Variants in SPTBN1 observed in about 807,000 individuals in gnomAD.
SPTBN1 encodes the protein spectrin beta, non-erythrocytic 1.
Under a neutral mutation model 266.4 loss-of-function variants are expected in SPTBN1, and 32 were observed. That is an observed-to-expected ratio of 0.12 (90% confidence interval 0.09 to 0.16). SPTBN1 has a LOEUF of 0.16. SPTBN1 is among the 10% of genes least tolerant of loss of function. The probability of loss-of-function intolerance (pLI) is 1.00; values close to 1 mark genes in which losing one functional copy is unlikely to be tolerated. For missense variants in SPTBN1, 2,296 were observed against 3,067.1 expected, an observed-to-expected ratio of 0.75 and a Z score of 5.94; for synonymous variants, 1,336 against 1,162.2, an observed-to-expected ratio of 1.15 and a Z score of -3.04.
chr2:54,490,176 A>G (rs1232920687), intron 1 of SPTBN1, among the ~76,000 whole-genome samples: 3 of 150,822 alleles, frequency 2.0e-5, no homozygotes, highest in African/African-American at 4.9e-5. Flanking sequence ...GGTTCAAGCG[A>G]TTCTCTTCTT....
At chr2:54,498,711 A>G (rs1362202627) in intron 1 of SPTBN1, among the ~76,000 whole-genome samples, 1 of 152,162 alleles carries the variant, frequency 6.6e-6, no homozygotes, top group Non-Finnish European at 1.5e-5. Context: ...CCATGCATCC[A>G]TTGTCAATGC....
chr2:54,461,689 T>A (rs895355390), intron 1 of SPTBN1, among the ~76,000 whole-genome samples: 2 of 152,278 alleles, frequency 1.3e-5, no homozygotes, highest in Admixed American at 1.3e-4. Context: ...TTATTGAGTT[T>A]GAATGTCTGT....
intron 1 of SPTBN1, among the ~76,000 whole-genome samples, chr2:54,504,078 G>C (rs1669423942): frequency 6.6e-6 from 1 of 152,160 alleles, no homozygotes; most frequent in Admixed American, 6.5e-5. Context: ...TAAGTGCACT[G>C]GGTGGGACTG....
In SPTBN1 at chr2:54,653,490, T is replaced by C. The variant is rs75026968; in HGVS notation, c.5578-119T>C. 7.5e-3 allele frequency: 11,153 copies of C among 1,480,270 alleles called. 737 individuals are homozygous for C. In the African/African-American group the frequency reaches 0.14, roughly 18 times the overall value. 91.7% of individuals were successfully genotyped at this position (1,480,270 alleles called of 1,614,324 possible). On this transcript the variant is annotated intron_variant, in intron 26 of 35. Coordinates refer to ENST00000356805, the MANE Select transcript of SPTBN1 (RefSeq NM_003128.3). This position sits in a 1 kb window ranked among gnomAD's most constrained non-coding sequence, Gnocchi z 5.1. ...GAAATTGAGGGCTCCTTAAGGGGCA[T>C]GGGCCATATTTTGACTCTGTGCTCC...
At chr2:54,622,629 C>T in intron 9 of SPTBN1, 142 bp downstream of exon 9, 1 of 955,166 alleles carries the variant, frequency 1.0e-6, no homozygotes, top group South Asian at 1.8e-5. Context: ...TCATCTGACT[C>T]TGTTTTGCTG....
Position 54,649,075 on chromosome 2 carries a change from A to G in SPTBN1, c.5087A>G (p.Glu1696Gly). The change falls in exon 25 of 36, where the codon GAG (glutamate) becomes GGG (glycine). Residue 1696 changes from glutamate to glycine, a missense_variant. Physicochemically the swap from Glu to Gly is moderately conservative, Grantham distance 98. Transcript: ENST00000356805. The surrounding 1 kb of genome is among the most constrained non-coding windows in gnomAD (Gnocchi z 6.7). ...GAAGAGAGAAGAGGCAAGCTGGATG[A>G]GAGACACAGGTTATTCCAGCTCAAC... ...LAEERRGKLD[E>G]RHRLFQLNRE... 6.2e-7 allele frequency: 1 copy of G among 1,614,244 alleles called. No individual in the cohort carries two copies. The highest frequency in any genetic ancestry group is 2.2e-5 in the East Asian group (1 of 44,886).
At chr2:54,607,628 T>A (rs1178254503) in intron 3 of SPTBN1, among the ~76,000 whole-genome samples, 1 of 152,024 alleles carries the variant, frequency 6.6e-6, no homozygotes, top group African/African-American at 2.4e-5. Flanking sequence ...AAAAAAAAAT[T>A]AATAAATTAA....
At chr2:54,650,520 A>G (rs1415817507) in intron 26 of SPTBN1, among the ~76,000 whole-genome samples, 3 of 152,190 alleles carry the variant, frequency 2.0e-5, no homozygotes, top group African/African-American at 7.2e-5. Flanking sequence ...ATCTCTGCAC[A>G]GTTTCTTGTT....
intron 18 of SPTBN1, among the ~76,000 whole-genome samples, chr2:54,640,854 T>C (rs1679486954): frequency 6.6e-6 from 1 of 152,194 alleles, no homozygotes; most frequent in African/African-American, 2.4e-5. Flanking sequence ...GCCTGGCCGG[T>C]AGTGTTATTT....
rs72536019 is a variant in SPTBN1 at position 54,592,370 on chromosome 2, C to CT, written c.149-6712dup. On this transcript the variant is annotated intron_variant, in intron 2 of 35. Coordinates refer to ENST00000356805, the MANE Select transcript of SPTBN1 (RefSeq NM_003128.3). Reference sequence around the variant, plus strand: ...GTTTCTCAGTTCTAAATATTTCATACTTTTTTTTTTCTTTTTTCTTTTTTT... The same window carrying CT: ...GTTTCTCAGTTCTAAATATTTCATACTTTTTTTTTTTCTTTTTTCTTTTTTT... 2.3e-3 allele frequency among the ~76,000 whole-genome samples: 324 copies of CT among 138,182 alleles called. 6 individuals are homozygous for CT. In the South Asian group the frequency reaches 0.04, roughly 17 times the overall value. The allele number at this position is 138,182 out of a possible 152,430, so 90.7% of individuals were successfully genotyped here.
chr2:54,666,231 T>C (rs993970277), intron 34 of SPTBN1, 143 bp downstream of exon 34: 1 of 911,270 alleles, frequency 1.1e-6, no homozygotes, highest in Non-Finnish European at 1.6e-6. Context: ...AAAACCAGTT[T>C]GGCACGTGTC....
intron 1 of SPTBN1, among the ~76,000 whole-genome samples, chr2:54,490,950 T>A (rs1486662425): frequency 1.3e-5 from 2 of 152,176 alleles, no homozygotes; most frequent in Non-Finnish European, 2.9e-5. Flanking sequence ...AACTCTTGCA[T>A]GCCTTGAGAG....
At chr2:54,469,486 T>C (rs1382098681) in intron 1 of SPTBN1, among the ~76,000 whole-genome samples, 2 of 152,214 alleles carry the variant, frequency 1.3e-5, no homozygotes, top group African/African-American at 4.8e-5. Context: ...CTGAAACTCC[T>C]AACCTGATGG....
chr2:54,646,533 C>T lies in SPTBN1; in HGVS notation c.4866+58C>T, dbSNP rs1202285282. ...GAGAGCCTCAGATTCAAACCCTGGG[C>T]ACACTTTCTGCTGGCGGCTCTGTCT... On this transcript the variant is annotated intron_variant, in intron 23 of 35. Transcript: ENST00000356805. The surrounding 1 kb of genome is among the most constrained non-coding windows in gnomAD (Gnocchi z 4.4). 3 of 1,432,870 alleles carry T rather than the reference C, an allele frequency of 2.1e-6. No homozygotes were observed. Among genetic ancestry groups the T allele is most frequent in the East Asian group, 2.5e-5 (1 of 40,018 alleles). The allele number at this position is 1,432,870 out of a possible 1,614,324, so 88.8% of individuals were successfully genotyped here. A position where few individuals can be genotyped will look rare whatever the true frequency, so the allele number is the denominator to read the frequency against.
chr2:54,618,031 C>A (rs1677728593), intron 6 of SPTBN1, 47 bp from the exon 7 acceptor site: 2 of 1,467,940 alleles, frequency 1.4e-6, no homozygotes, highest in Non-Finnish European at 1.9e-6. Flanking sequence ...AGTCATATTT[C>A]TTTTCAAGCC....
At chr2:54,666,111 G>A in intron 34 of SPTBN1, 23 bp downstream of exon 34, 1 of 1,594,716 alleles carries the variant, frequency 6.3e-7, no homozygotes, top group Middle Eastern at 1.7e-4. Flanking sequence ...GTGCTTCATG[G>A]CTGCCAGAGT....
chr2:54,508,242 C>G (rs1157133332), intron 1 of SPTBN1, among the ~76,000 whole-genome samples: 1 of 152,156 alleles, frequency 6.6e-6, no homozygotes, highest in Non-Finnish European at 1.5e-5. Flanking sequence ...AATAAATGAC[C>G]ACGGTGGCCT....
Position 54,533,356 on chromosome 2 carries a change from G to A in SPTBN1, c.148+6790G>A, listed in dbSNP as rs1671384784. 1.5e-5 allele frequency among the ~76,000 whole-genome samples: 1 copy of A among 65,416 alleles called. No homozygotes were observed. Among genetic ancestry groups the A allele is most frequent in the African/African-American group, 5.5e-5 (1 of 18,200 alleles). The allele number at this position is 65,416 out of a possible 152,430, so 42.9% of individuals were successfully genotyped here. On this transcript the variant is annotated intron_variant, in intron 2 of 35. Transcript: ENST00000356805. The surrounding 1 kb of genome is among the most constrained non-coding windows in gnomAD (Gnocchi z 4.2). ...CCCAGGCTAAAGGGGACTAGTGTGT[G>A]TGTGTGTGTGTGTGTGTGTGTGTGT...
At chr2:54,500,181 A>G (rs1341333588) in intron 1 of SPTBN1, among the ~76,000 whole-genome samples, 3 of 152,256 alleles carry the variant, frequency 2.0e-5, no homozygotes, top group African/African-American at 7.2e-5. Context: ...GGCTTATTTT[A>G]AATAATCACA....
Sources: gnomAD v4.1 joint callset for allele counts (sites outside exome capture counted in the v4.1 genomes callset) on GRCh38, gnomAD v4.1.1 for gene constraint, Gnocchi (gnomAD v3.1) non-coding constraint, MANE v1.5 for transcripts, NCBI Gene and HGNC (gene_info 2026-07-23, HGNC 2026-07-21) for gene names.